PSD2: variants seen among roughly 807,000 people sequenced by gnomAD.
PSD2 encodes the protein pleckstrin and Sec7 domain containing 2, also known as PH and SEC7 domain-containing protein 2.
A neutral mutation model predicts 69.8 loss-of-function variants in PSD2; 38 were observed. The observed-to-expected ratio is 0.54, with a 90% CI of 0.42 to 0.71. The LOEUF (loss-of-function observed/expected upper bound fraction) is 0.71. Ranked by LOEUF, PSD2 falls within the 30% of genes least tolerant of loss-of-function variation. The probability of loss-of-function intolerance (pLI) is 0.00; values close to 1 mark genes in which losing one functional copy is unlikely to be tolerated. For missense variants in PSD2, 943 were observed against 1,014.5 expected (o/e 0.93, Z 0.96); for synonymous variants, 412 against 423.0 (o/e 0.97, Z 0.32).
the PSD2 span, among the ~76,000 whole-genome samples, chr5:139,781,060 C>T: frequency 6.6e-6 from 1 of 152,142 alleles, no homozygotes; most frequent in Non-Finnish European, 1.5e-5. Context: ...CTGATGCCAT[C>T]CCCTTTCATC....
At chr5:139,808,383 C>T (rs1554094597) in intron 1 of PSD2, among the ~76,000 whole-genome samples, 1 of 152,216 alleles carries the variant, frequency 6.6e-6, no homozygotes, top group Non-Finnish European at 1.5e-5. Flanking sequence ...CTGGTCCCAA[C>T]CCATTTGAAA....
At chr5:139,807,391 ACTT>A (rs1462165409) in intron 1 of PSD2, among the ~76,000 whole-genome samples, 1 of 142,410 alleles carries the variant, frequency 7.0e-6, no homozygotes, top group Admixed American at 7.2e-5. Flanking sequence ...TGAGAAAGTG[ACTT>A]CTTGTTTCTC....
rs796709383 is a variant in PSD2, at chr5:139,833,639, G to T, written c.1270-63G>T. On this transcript the variant is annotated intron_variant, in intron 7 of 14. Transcript: ENST00000274710. The stretch of plus-strand genomic sequence containing the variant: ...TCATCCCTCTGGCTGGGCAGGGCAG[G>T]GTGTGTGGGGAACACACCAGCCTCC... The T allele has an allele frequency of 2.8e-5, 33 of 1,159,520 alleles. No individual in the cohort carries two copies. The African/African-American group carries it at 3.8e-4, about 13-fold the overall frequency. The allele number at this position is 1,159,520 out of a possible 1,614,324, so 71.8% of individuals were successfully genotyped here.
the PSD2 span, among the ~76,000 whole-genome samples, chr5:139,759,475 G>A: frequency 6.6e-6 from 1 of 152,078 alleles, no homozygotes. Context: ...CCTGGGAGCT[G>A]GCTGTCCCCC....
At chr5:139,822,685 G>T (rs772161345) in intron 6 of PSD2, 41 bp from the exon 7 acceptor site, 19 of 1,573,556 alleles carry the variant, frequency 1.2e-5, no homozygotes, top group Non-Finnish European at 1.6e-5. Context: ...GTGGGAAGAG[G>T]TTGGATCCTC....
chr5:139,752,267 C>T, the PSD2 span, among the ~76,000 whole-genome samples: 1 of 152,140 alleles, frequency 6.6e-6, no homozygotes, highest in Non-Finnish European at 1.5e-5. Flanking sequence ...ATCCATGTCT[C>T]TTTTTCTGTT....
chr5:139,761,528 T>C, the PSD2 span, among the ~76,000 whole-genome samples: 2 of 152,240 alleles, frequency 1.3e-5, no homozygotes, highest in African/African-American at 2.4e-5. Flanking sequence ...TATAAGCCTG[T>C]AAGTCCCTCA....
At chr5:139,823,691 G>A (rs972508135) in intron 7 of PSD2, among the ~76,000 whole-genome samples, 1 of 152,328 alleles carries the variant, frequency 6.6e-6, no homozygotes. Flanking sequence ...GCAGGACTGA[G>A]AGAGGTAATA....
chr5:139,786,571 T>TC, the PSD2 span, among the ~76,000 whole-genome samples: 5 of 152,122 alleles, frequency 3.3e-5, no homozygotes, highest in African/African-American at 1.2e-4. Context: ...CCACCCACCA[T>TC]CAGTCAGTCC....
chr5:139,810,044 A>T (rs970298749), intron 2 of PSD2, among the ~76,000 whole-genome samples: 3 of 148,488 alleles, frequency 2.0e-5, no homozygotes, highest in Non-Finnish European at 4.5e-5. Context: ...AGCTGCTTCT[A>T]TGTGGATTGC....
rs1760755179 is a variant in PSD2 at position 139,837,342 on chromosome 5, G to A, written c.1665+104G>A. 1.7e-6 allele frequency: 2 copies of A among 1,156,836 alleles called. No homozygotes were observed. Among genetic ancestry groups the A allele is most frequent in the Non-Finnish European group, 2.5e-6 (2 of 793,566 alleles). The allele number at this position is 1,156,836 out of a possible 1,614,324, so 71.7% of individuals were successfully genotyped here. A position where few individuals can be genotyped will look rare whatever the true frequency, so the allele number is the denominator to read the frequency against. On this transcript the variant is annotated intron_variant, in intron 11 of 14. Coordinates refer to ENST00000274710, the MANE Select transcript of PSD2 (RefSeq NM_032289.4). This position sits in a 1 kb window ranked among gnomAD's most constrained non-coding sequence, Gnocchi z 5.0. The stretch of plus-strand genomic sequence containing the variant: ...GCCCCAGGCAGGACCTGGGGCTCAG[G>A]CACATGCTGGGTCCTTCCCCAGACT...
the PSD2 span, among the ~76,000 whole-genome samples, chr5:139,747,746 G>C: frequency 1.3e-5 from 2 of 152,224 alleles, no homozygotes; most frequent in East Asian, 1.9e-4. The surrounding 1 kb of genome is among the most constrained non-coding windows in gnomAD (Gnocchi z 6.7). Context: ...CCATCTGCTC[G>C]AGTGGAACGG....
At position 139,837,159 on chromosome 5, in the gene PSD2, C is replaced by T. The variant is rs147072238; in HGVS notation, c.1595-9C>T. On this transcript the variant is annotated splice_polypyrimidine_tract_variant and intron_variant, in intron 10 of 14. Coordinates refer to ENST00000274710, the MANE Select transcript of PSD2 (RefSeq NM_032289.4). This position sits in a 1 kb window ranked among gnomAD's most constrained non-coding sequence, Gnocchi z 5.0. Reference sequence around the variant, plus strand: ...GCTGCAGCCACACTACCAGTGCCCTCCTCCCCAGCGCCCCGTGGGAGGCGT... The same window carrying T: ...GCTGCAGCCACACTACCAGTGCCCTTCTCCCCAGCGCCCCGTGGGAGGCGT... 30,051 of 1,613,810 alleles carry T rather than the reference C, an allele frequency of 0.019. 331 individuals are homozygous for T. Among genetic ancestry groups the T allele is most frequent in the Non-Finnish European group, 0.022 (26,211 of 1,179,772 alleles).
chr5:139,834,632 T>C (rs2126964601), intron 8 of PSD2, among the ~76,000 whole-genome samples: 1 of 152,208 alleles, frequency 6.6e-6, no homozygotes, highest in African/African-American at 2.4e-5. Context: ...GTTTGAAGAA[T>C]CTGATGATAC....
chr5:139,831,459 C>CT (rs923619015), intron 7 of PSD2, among the ~76,000 whole-genome samples: 22 of 151,464 alleles, frequency 1.5e-4, no homozygotes, highest in Non-Finnish European at 1.3e-4. Context: ...TGTTCTGTTT[C>CT]TTTTTTTTTC....
Position 139,837,854 on chromosome 5 carries a change from TC to T in PSD2, c.1823+74del, listed in dbSNP as rs1030186977. On this transcript the variant is annotated intron_variant, in intron 12 of 14. Transcript: ENST00000274710. The surrounding 1 kb of genome is among the most constrained non-coding windows in gnomAD (Gnocchi z 5.0). ...ACAGTGACCCGGCACACAACCCCTC[TC>T]CTTCCCGTGAGTCAGCAACAGAGCA... 2 of 1,453,642 alleles carry T rather than the reference TC, an allele frequency of 1.4e-6. No homozygotes were observed. Among genetic ancestry groups the T allele is most frequent in the Non-Finnish European group, 1.9e-6 (2 of 1,063,052 alleles). The allele number at this position is 1,453,642 out of a possible 1,614,324, so 90.0% of individuals were successfully genotyped here.
chr5:139,830,226 T>C (rs1437774419), intron 7 of PSD2, among the ~76,000 whole-genome samples: 6 of 152,134 alleles, frequency 3.9e-5, no homozygotes. Flanking sequence ...GTTGTTTGTC[T>C]TTTGTTGTTG....
intron 7 of PSD2, 76 bp downstream of exon 7, chr5:139,822,860 G>A (rs1034630023): frequency 3.1e-5 from 42 of 1,334,512 alleles, no homozygotes; most frequent in Middle Eastern, 2.2e-4. Context: ...GCCCCTTCCT[G>A]AGATCTCTTA....
Position 139,817,125 on chromosome 5 carries a change from A to T in PSD2, c.1017-356A>T, listed in dbSNP as rs139291315. 2.3e-3 allele frequency among the ~76,000 whole-genome samples: 346 copies of T among 152,308 alleles called. 2 individuals are homozygous for T. Among genetic ancestry groups the T allele is most frequent in the African/African-American group, 8.1e-3 (337 of 41,570 alleles). On this transcript the variant is annotated intron_variant, in intron 4 of 14. Transcript: ENST00000274710. ...TGGTCCTTCCCCTGGTCCCGGCCTC[A>T]TCACTTGCTGCCCCATTCTTGCTCT...
Sources: gnomAD v4.1 joint callset for allele counts (sites outside exome capture counted in the v4.1 genomes callset) on GRCh38, gnomAD v4.1.1 for gene constraint, Gnocchi (gnomAD v3.1) non-coding constraint, MANE v1.5 for transcripts, NCBI Gene and HGNC (gene_info 2026-07-23, HGNC 2026-07-21) for gene names.